Variants in SYCP1 observed in about 807,000 individuals in gnomAD.
SYCP1 encodes synaptonemal complex protein 1.
SYCP1 carries 64 observed loss-of-function variants against 153.1 expected under a neutral mutation model. The observed-to-expected ratio is 0.42, with a 90% CI of 0.34 to 0.51. The LOEUF (loss-of-function observed/expected upper bound fraction) is 0.51. Ranked by LOEUF, SYCP1 falls within the 20% of genes least tolerant of loss-of-function variation. The pLI is 0.06. For synonymous variants in SYCP1, 384 were observed against 341.8 expected, an observed-to-expected ratio of 1.12 and a Z score of -1.36; for missense variants, 997 against 1,049.0, an observed-to-expected ratio of 0.95 and a Z score of 0.68.
chr1:114,878,835 G>A (rs1044833640), intron 12 of SYCP1, among the ~76,000 whole-genome samples: 3 of 152,170 alleles, frequency 2.0e-5, no homozygotes, highest in African/African-American at 4.8e-5. Context: ...GAGCCACTGC[G>A]CCTAGCAAAA....
chr1:114,988,011 T>A (rs1422268588), intron 30 of SYCP1, among the ~76,000 whole-genome samples: 1 of 147,102 alleles, frequency 6.8e-6, no homozygotes, highest in African/African-American at 2.5e-5. Flanking sequence ...AAAGCAGATT[T>A]GAGTAAGCAG....
chr1:114,914,575 C>A (rs1456599825), intron 20 of SYCP1, among the ~76,000 whole-genome samples: 2 of 152,084 alleles, frequency 1.3e-5, no homozygotes, highest in Non-Finnish European at 2.9e-5. Flanking sequence ...GAACTCCAAC[C>A]TAGTCAAGTT....
At chr1:114,900,747 G>T (rs190495410) in intron 16 of SYCP1, among the ~76,000 whole-genome samples, 2 of 152,280 alleles carry the variant, frequency 1.3e-5, no homozygotes, top group Admixed American at 6.5e-5. Flanking sequence ...AGCAGCTAAG[G>T]TTTGACTTCT....
At chr1:114,854,370 TC>T, upstream of SYCP1, among the ~76,000 whole-genome samples, 2 of 152,210 alleles carry the variant, frequency 1.3e-5, 1 homozygote, top group South Asian at 4.1e-4. Context: ...CTTCCTGGGC[TC>T]AAGCAGTCCT....
chr1:114,857,315 G>A (rs750023610), intron 4 of SYCP1, 40 bp downstream of exon 4: 2 of 1,582,614 alleles, frequency 1.3e-6, no homozygotes, highest in Admixed American at 1.8e-5. Context: ...ATCTGTTTAG[G>A]TAATGAACTG....
chr1:114,944,570 G>T, intron 24 of SYCP1, 115 bp downstream of exon 24: 1 of 690,452 alleles, frequency 1.4e-6, no homozygotes, highest in Non-Finnish European at 2.4e-6. Context: ...TTAGAAAAGG[G>T]TTAGTAAATT....
chr1:114,914,245 G>C (rs567803293), intron 20 of SYCP1, among the ~76,000 whole-genome samples, 200 bp downstream of exon 20: 12 of 151,950 alleles, frequency 7.9e-5, no homozygotes, highest in African/African-American at 2.9e-4. Flanking sequence ...TTAAAAGTTA[G>C]TGAGATTAGA....
chr1:114,873,307 A>G (rs1279813879), intron 8 of SYCP1, among the ~76,000 whole-genome samples: 1 of 152,108 alleles, frequency 6.6e-6, no homozygotes, highest in Non-Finnish European at 1.5e-5. Context: ...CTATAGACCT[A>G]TGGTTAGGTC....
intron 8 of SYCP1, among the ~76,000 whole-genome samples, chr1:114,873,620 A>G (rs1350585727): frequency 3.9e-5 from 6 of 152,218 alleles, no homozygotes; most frequent in Non-Finnish European, 7.3e-5. Flanking sequence ...ATATTGGTAT[A>G]GTTCAAAACG....
At chr1:114,919,199 G>A (rs2101707759) in intron 20 of SYCP1, among the ~76,000 whole-genome samples, 1 of 152,006 alleles carries the variant, frequency 6.6e-6, no homozygotes, top group East Asian at 1.9e-4. Context: ...CGTTTTTTGA[G>A]GGTTTTTATC....
At chr1:114,964,252 C>T (rs1234810364) in intron 27 of SYCP1, among the ~76,000 whole-genome samples, 2 of 151,944 alleles carry the variant, frequency 1.3e-5, no homozygotes, top group Admixed American at 1.3e-4. Flanking sequence ...TGTTTAAGTT[C>T]CTTGTAGATT....
At chr1:114,907,080 C>G (rs1308225941) in intron 16 of SYCP1, among the ~76,000 whole-genome samples, 1 of 152,026 alleles carries the variant, frequency 6.6e-6, no homozygotes, top group Non-Finnish European at 1.5e-5. Context: ...TAATTAAATG[C>G]CCTCAATTTC....
chr1:114,867,123 C>G (rs1316622486), intron 8 of SYCP1, among the ~76,000 whole-genome samples: 1 of 151,998 alleles, frequency 6.6e-6, no homozygotes, highest in African/African-American at 2.4e-5. Flanking sequence ...GTCCTTTTCC[C>G]CCACAAATCC....
intron 12 of SYCP1, 27 bp downstream of exon 12, chr1:114,878,229 T>G (rs765045696): frequency 8.3e-6 from 11 of 1,320,946 alleles, no homozygotes; most frequent in Non-Finnish European, 7.5e-6. Flanking sequence ...GATAATATAA[T>G]GTGCCTTATG....
chr1:114,968,231 C>G (rs1484204478), intron 27 of SYCP1, among the ~76,000 whole-genome samples: 2 of 152,180 alleles, frequency 1.3e-5, no homozygotes, highest in African/African-American at 2.4e-5. Context: ...GCCTGTCTTG[C>G]TAGATTGGGG....
intron 27 of SYCP1, among the ~76,000 whole-genome samples, chr1:114,947,537 A>G (rs1262133740): frequency 6.6e-6 from 1 of 152,040 alleles, no homozygotes; most frequent in South Asian, 2.1e-4. Flanking sequence ...AGAAAAGAAC[A>G]CTTTTGTGGC....
chr1:114,906,157 G>T (rs528827748), intron 16 of SYCP1, among the ~76,000 whole-genome samples: 1 of 151,906 alleles, frequency 6.6e-6, no homozygotes, highest in Non-Finnish European at 1.5e-5. Flanking sequence ...AGTAGAGATG[G>T]GGTTTCACCG....
intron 16 of SYCP1, among the ~76,000 whole-genome samples, chr1:114,909,148 G>C (rs536264966): frequency 6.6e-6 from 1 of 152,190 alleles, no homozygotes; most frequent in South Asian, 2.1e-4. Flanking sequence ...TTCATACATA[G>C]AATCAGGAGA....
At chr1:114,993,101 A>G (rs1006258011) in intron 30 of SYCP1, among the ~76,000 whole-genome samples, 1 of 151,582 alleles carries the variant, frequency 6.6e-6, no homozygotes, top group African/African-American at 2.4e-5. Context: ...CTTATTAATC[A>G]TTTTTATATG....
Sources: gnomAD v4.1 joint callset for allele counts (sites outside exome capture counted in the v4.1 genomes callset) on GRCh38, gnomAD v4.1.1 for gene constraint, MANE v1.5 for transcripts, NCBI Gene and HGNC (gene_info 2026-07-23, HGNC 2026-07-21) for gene names.